The following DOK6 variants were observed in gnomAD, a reference collection of about 807,000 sequenced individuals.
DOK6 encodes the protein downstream of tyrosine kinase 6.
Under a neutral mutation model 44.0 loss-of-function variants are expected in DOK6, and 22 were observed. The ratio of observed to expected loss-of-function variants is 0.50; its 90% CI spans 0.36 to 0.71. The LOEUF is 0.71. Among genes scored for constraint, DOK6 ranks in the 30% least tolerant of loss-of-function variants. DOK6 has a pLI of 0.00. For missense variants in DOK6, 340 were observed against 416.4 expected (o/e 0.82, Z 1.60); for synonymous variants, 166 against 145.5 (o/e 1.14, Z -1.01).
chr18:69,746,646 T>A lies in DOK6; in HGVS notation c.738+7543T>A, dbSNP rs79299753. ...TTCAATTAAATGACATCTAGCAACT[T>A]TCATTCAATGACCATGTAAATATTA... On this transcript the variant is annotated intron_variant, in intron 6 of 7. Coordinates refer to ENST00000382713, the MANE Select transcript of DOK6 (RefSeq NM_152721.6). Among the ~76,000 whole-genome samples the A allele has an allele frequency of 5.3e-5, 8 of 152,342 alleles. No individual in the cohort carries two copies. The East Asian group carries it at 1.5e-3, about 29-fold the overall frequency.
chr18:69,552,306 G>A (rs1982585264), intron 1 of DOK6, among the ~76,000 whole-genome samples: 1 of 151,816 alleles, frequency 6.6e-6, no homozygotes, highest in African/African-American at 2.4e-5. Flanking sequence ...TTAATAAGTA[G>A]ATAAACATCT....
In DOK6 at chr18:69,548,886, G is replaced by A. The variant is rs1453757136; in HGVS notation, c.67-15601G>A. ...AGGCGGGCGGATCACGAGGTCAGGAGATCAAGACCATCCTGGCTAACATGG... is the reference window on the plus strand; with the variant it reads ...AGGCGGGCGGATCACGAGGTCAGGAAATCAAGACCATCCTGGCTAACATGG... On this transcript the variant is annotated intron_variant, in intron 1 of 7. Transcript: ENST00000382713. Among the ~76,000 whole-genome samples, 3 of 151,326 alleles carry A rather than the reference G, an allele frequency of 2.0e-5. 1 individual carries two copies. Among genetic ancestry groups the A allele is most frequent in the Admixed American group, 6.6e-5 (1 of 15,188 alleles).
intron 7 of DOK6, among the ~76,000 whole-genome samples, chr18:69,774,156 A>ATATAT (rs1473888911): frequency 1.5e-4 from 18 of 116,670 alleles, no homozygotes; most frequent in East Asian, 2.5e-4. Context: ...ATATATATAT[A>ATATAT]ATGTAATACT....
At chr18:69,527,031 C>T (rs1450430975) in intron 1 of DOK6, among the ~76,000 whole-genome samples, 1 of 152,170 alleles carries the variant, frequency 6.6e-6, no homozygotes, top group Non-Finnish European at 1.5e-5. Flanking sequence ...CACCATCCAC[C>T]ACCCATTGCT....
At chr18:69,420,900 T>C (rs1338547456) in intron 1 of DOK6, among the ~76,000 whole-genome samples, 1 of 152,182 alleles carries the variant, frequency 6.6e-6, no homozygotes, top group Non-Finnish European at 1.5e-5. Context: ...ATATAGTTTT[T>C]CCCCAATTTA....
chr18:69,518,892 A>G (rs1036817989), intron 1 of DOK6, among the ~76,000 whole-genome samples: 8 of 152,126 alleles, frequency 5.3e-5, no homozygotes, highest in African/African-American at 9.7e-5. Context: ...TAATCTTACC[A>G]CTGACAAACC....
chr18:69,541,706 T>A (rs531875448), intron 1 of DOK6, among the ~76,000 whole-genome samples: 1 of 151,586 alleles, frequency 6.6e-6, no homozygotes, highest in South Asian at 2.1e-4. Context: ...AACTTCTATA[T>A]GCTGATTTAC....
At chr18:69,818,963 G>A (rs1319447524) in intron 7 of DOK6, among the ~76,000 whole-genome samples, 1 of 152,210 alleles carries the variant, frequency 6.6e-6, no homozygotes, top group Non-Finnish European at 1.5e-5. Flanking sequence ...TAAGGGTTAA[G>A]TGGAAGAAAT....
chr18:69,511,167 A>G (rs1244291032), intron 1 of DOK6, among the ~76,000 whole-genome samples: 3 of 152,194 alleles, frequency 2.0e-5, no homozygotes, highest in South Asian at 2.1e-4. Flanking sequence ...TTACAGCATT[A>G]TCTGTTGACA....
intron 3 of DOK6, among the ~76,000 whole-genome samples, chr18:69,675,781 CT>C (rs1248142871): frequency 6.6e-6 from 1 of 152,070 alleles, no homozygotes; most frequent in East Asian, 1.9e-4. Flanking sequence ...TTTTGGTTGA[CT>C]GTTAGAAAAT....
At chr18:69,467,086 A>T (rs529154946) in intron 1 of DOK6, among the ~76,000 whole-genome samples, 2 of 152,166 alleles carry the variant, frequency 1.3e-5, no homozygotes, top group African/African-American at 4.8e-5. Context: ...TTTTGTAAGG[A>T]TCAATTCTGT....
chr18:69,738,831 G>T, intron 5 of DOK6, 134 bp from the exon 6 acceptor site: 1 of 1,096,908 alleles, frequency 9.1e-7, no homozygotes, highest in Non-Finnish European at 1.3e-6. Flanking sequence ...TTTGGTTACG[G>T]CTGAATCAGC....
At chr18:69,463,672 T>C (rs1979847983) in intron 1 of DOK6, among the ~76,000 whole-genome samples, 1 of 151,980 alleles carries the variant, frequency 6.6e-6, no homozygotes, top group Non-Finnish European at 1.5e-5. Flanking sequence ...CGTGTAAATA[T>C]GTGTGCATGT....
intron 1 of DOK6, among the ~76,000 whole-genome samples, chr18:69,549,130 TTA>T (rs1185583008): frequency 6.6e-6 from 1 of 150,958 alleles, no homozygotes; most frequent in East Asian, 1.9e-4. Context: ...AATTTCTACC[TTA>T]ACGTGCCTTA....
At chr18:69,492,474 T>C (rs1181738773) in intron 1 of DOK6, among the ~76,000 whole-genome samples, 1 of 152,118 alleles carries the variant, frequency 6.6e-6, no homozygotes, top group Non-Finnish European at 1.5e-5. Context: ...TGCAGGTTTG[T>C]TATATGAGTA....
intron 3 of DOK6, among the ~76,000 whole-genome samples, chr18:69,664,375 C>T (rs868045232): frequency 6.6e-6 from 1 of 152,262 alleles, no homozygotes; most frequent in Middle Eastern, 3.4e-3. Context: ...ATGAGCTGTA[C>T]AATACTTCAT....
At chr18:69,688,653 G>A (rs1986202455) in intron 4 of DOK6, among the ~76,000 whole-genome samples, 1 of 152,132 alleles carries the variant, frequency 6.6e-6, no homozygotes, top group Non-Finnish European at 1.5e-5. Flanking sequence ...CTCCCGAGCA[G>A]CTGGGATTGC....
chr18:69,513,777 G>A (rs1568281887), intron 1 of DOK6, among the ~76,000 whole-genome samples: 1 of 152,076 alleles, frequency 6.6e-6, no homozygotes, highest in East Asian at 1.9e-4. Flanking sequence ...ATTTGTATTT[G>A]CCAAAGGATG....
At chr18:69,777,696 G>A (rs1470982293) in intron 7 of DOK6, among the ~76,000 whole-genome samples, 1 of 141,720 alleles carries the variant, frequency 7.1e-6, no homozygotes, top group Non-Finnish European at 1.5e-5. Flanking sequence ...TCTCTCCTCA[G>A]CCCCTACACT....
Sources: gnomAD v4.1 joint callset for allele counts (sites outside exome capture counted in the v4.1 genomes callset) on GRCh38, gnomAD v4.1.1 for gene constraint, MANE v1.5 for transcripts, NCBI Gene and HGNC (gene_info 2026-07-23, HGNC 2026-07-21) for gene names.